GRIK2: variants seen among roughly 807,000 people sequenced by gnomAD.
GRIK2 encodes glutamate receptor ionotropic, kainate 2.
GRIK2 carries 32 observed loss-of-function variants against 100.3 expected under a neutral mutation model. The observed-to-expected ratio is 0.32, with a 90% CI of 0.24 to 0.43. The LOEUF is 0.43. Ranked by LOEUF, GRIK2 falls within the 20% of genes least tolerant of loss-of-function variation. The probability of loss-of-function intolerance (pLI) is 1.00; values close to 1 mark genes in which losing one functional copy is unlikely to be tolerated. For synonymous variants in GRIK2, 417 were observed against 389.4 expected (o/e 1.07, Z -0.83); for missense variants, 843 against 1,114.9 (o/e 0.76, Z 3.47).
At chr6:101,779,864 T>G (rs1236770439) in intron 7 of GRIK2, among the ~76,000 whole-genome samples, 1 of 151,584 alleles carries the variant, frequency 6.6e-6, no homozygotes, top group Non-Finnish European at 1.5e-5. Context: ...CTTGGAGAGA[T>G]AAATCTCTCT....
chr6:101,594,552 A>T (rs1420674092), intron 2 of GRIK2, among the ~76,000 whole-genome samples: 2 of 151,844 alleles, frequency 1.3e-5, no homozygotes, highest in Non-Finnish European at 1.5e-5. Flanking sequence ...TTACTTGAAT[A>T]CTAGTGGAAT....
chr6:101,936,128 C>G (rs886096725), intron 14 of GRIK2, among the ~76,000 whole-genome samples: 1 of 151,652 alleles, frequency 6.6e-6, no homozygotes, highest in African/African-American at 2.4e-5. Flanking sequence ...TGGTTGATCA[C>G]CAATGTATCT....
intron 10 of GRIK2, among the ~76,000 whole-genome samples, chr6:101,838,998 T>A (rs910412604): frequency 4.6e-5 from 7 of 152,060 alleles, no homozygotes; most frequent in South Asian, 2.1e-4. Flanking sequence ...CTTTTTTTTT[T>A]AATTGAATGA....
chr6:101,717,001 A>T (rs1196742326), intron 7 of GRIK2, among the ~76,000 whole-genome samples: 1 of 151,796 alleles, frequency 6.6e-6, no homozygotes, highest in Non-Finnish European at 1.5e-5. Context: ...CTAATTACAA[A>T]TACTTGGAGA....
intron 2 of GRIK2, among the ~76,000 whole-genome samples, chr6:101,444,442 A>G (rs985002747): frequency 6.6e-6 from 1 of 152,074 alleles, no homozygotes. Flanking sequence ...TGTTTTTAAA[A>G]ATACTATTTG....
intron 15 of GRIK2, among the ~76,000 whole-genome samples, chr6:102,053,368 A>G (rs962224822): frequency 6.6e-6 from 1 of 152,152 alleles, no homozygotes; most frequent in Admixed American, 6.6e-5. Flanking sequence ...AAATTAATAA[A>G]TACTGAATAG....
chr6:101,966,974 G>A (rs1457886159), intron 14 of GRIK2, among the ~76,000 whole-genome samples: 5 of 151,954 alleles, frequency 3.3e-5, no homozygotes, highest in Non-Finnish European at 5.9e-5. Flanking sequence ...GTAACTCAAT[G>A]TAATATTAAG....
intron 16 of GRIK2, among the ~76,000 whole-genome samples, chr6:102,056,789 A>G (rs1771482690): frequency 6.6e-6 from 1 of 151,982 alleles, no homozygotes; most frequent in Non-Finnish European, 1.5e-5. Context: ...TTTTGGATAC[A>G]GTATTTGTAC....
rs564235284 is a variant in GRIK2 at position 101,886,866 on chromosome 6, G to C, written c.1525-2774G>C. 2.6e-5 allele frequency among the ~76,000 whole-genome samples: 3 copies of C among 114,370 alleles called. No individual in the cohort carries two copies. In the South Asian group the frequency reaches 8.4e-4, roughly 32 times the overall value. 75.0% of individuals were successfully genotyped at this position (114,370 alleles called of 152,430 possible). A position where few individuals can be genotyped will look rare whatever the true frequency, so the allele number is the denominator to read the frequency against. On this transcript the variant is annotated intron_variant, in intron 11 of 16. Transcript: ENST00000369134. ...TTTGGAGACAGAGTCTCCCTCTGTT[G>C]CCTGGCTGGAGTGCAGTGTTGCGAT...
Position 101,459,839 on chromosome 6 carries a change from T to C in GRIK2, c.115+60447T>C, listed in dbSNP as rs1408739864. ...TGCCCAGGCTGGAGTGCAATGGCAC[T>C]CTGCCTCCCGGGTTCAAGCGATTCT... On this transcript the variant is annotated intron_variant, in intron 2 of 16. Coordinates refer to ENST00000369134, the MANE Select transcript of GRIK2 (RefSeq NM_021956.5). Among the ~76,000 whole-genome samples the C allele has an allele frequency of 4.0e-5, 6 of 151,744 alleles. No individual in the cohort carries two copies. The South Asian group carries it at 8.3e-4, about 21-fold the overall frequency.
intron 14 of GRIK2, among the ~76,000 whole-genome samples, chr6:102,000,636 C>T (rs755929290): frequency 6.6e-6 from 1 of 151,952 alleles, no homozygotes; most frequent in African/African-American, 2.4e-5. Context: ...AAGTATTTGT[C>T]CATTTATCTA....
chr6:101,415,546 A>G (rs941752616), intron 2 of GRIK2, among the ~76,000 whole-genome samples: 9 of 151,726 alleles, frequency 5.9e-5, no homozygotes, highest in Middle Eastern at 3.4e-3. Flanking sequence ...AATTTTTTGT[A>G]TATTTAGTAG....
intron 7 of GRIK2, among the ~76,000 whole-genome samples, chr6:101,709,223 A>G (rs894239902): frequency 2.0e-5 from 3 of 151,664 alleles, no homozygotes; most frequent in African/African-American, 7.3e-5. Context: ...AAACACCAGA[A>G]ACTATGAGAA....
At chr6:101,639,700 T>C (rs1450425219) in intron 4 of GRIK2, among the ~76,000 whole-genome samples, 3 of 152,176 alleles carry the variant, frequency 2.0e-5, no homozygotes, top group Non-Finnish European at 4.4e-5. Context: ...GTTTTAAATA[T>C]ATAGTATATA....
chr6:101,506,811 G>A (rs545185074), intron 2 of GRIK2, among the ~76,000 whole-genome samples: 107 of 152,212 alleles, frequency 7.0e-4, no homozygotes, highest in Non-Finnish European at 1.3e-3. Flanking sequence ...TTGCAGAAAT[G>A]AGTATGATAC....
At chr6:101,675,539 G>A (rs1012423312) in intron 4 of GRIK2, among the ~76,000 whole-genome samples, 2 of 151,948 alleles carry the variant, frequency 1.3e-5, no homozygotes, top group African/African-American at 4.8e-5. Context: ...CAATGGAATT[G>A]GATGATCTTT....
chr6:101,709,510 T>C (rs1466330835), intron 7 of GRIK2, among the ~76,000 whole-genome samples: 1 of 151,862 alleles, frequency 6.6e-6, no homozygotes, highest in Non-Finnish European at 1.5e-5. Context: ...TGAATCTCAT[T>C]AGATAAAAGG....
chr6:102,050,643 C>T (rs1198045828), intron 15 of GRIK2, among the ~76,000 whole-genome samples: 3 of 113,164 alleles, frequency 2.7e-5, no homozygotes, highest in Non-Finnish European at 3.5e-5. Flanking sequence ...GAGCAAAACT[C>T]GGTCTAAAAA....
At chr6:101,973,997 CT>C (rs764500942) in intron 14 of GRIK2, among the ~76,000 whole-genome samples, 122 of 151,924 alleles carry the variant, frequency 8.0e-4, no homozygotes, top group Non-Finnish European at 1.6e-3. Context: ...ATTTATATGA[CT>C]CGTACAATTG....
Sources: gnomAD v4.1 joint callset for allele counts (sites outside exome capture counted in the v4.1 genomes callset) on GRCh38, gnomAD v4.1.1 for gene constraint, MANE v1.5 for transcripts, NCBI Gene and HGNC (gene_info 2026-07-23, HGNC 2026-07-21) for gene names.